SPOCK1: variants seen among roughly 807,000 people sequenced by gnomAD.
SPOCK1 encodes SPARC (osteonectin), cwcv and kazal like domains proteoglycan 1.
Under a neutral mutation model 55.3 loss-of-function variants are expected in SPOCK1, and 23 were observed. The observed-to-expected ratio is 0.42, with a 90% CI of 0.30 to 0.59. The LOEUF is 0.59. Ranked by LOEUF, SPOCK1 falls within the 20% of genes least tolerant of loss-of-function variation. The pLI, the probability that SPOCK1 is intolerant of heterozygous loss-of-function variation, is 0.22. For synonymous variants in SPOCK1, 226 were observed against 221.0 expected, an observed-to-expected ratio of 1.02 and a Z score of -0.20; for missense variants, 499 against 552.5, an observed-to-expected ratio of 0.90 and a Z score of 0.97.
chr5:137,152,561 A>G (rs1580778551), intron 3 of SPOCK1, among the ~76,000 whole-genome samples: 1 of 152,232 alleles, frequency 6.6e-6, no homozygotes, highest in East Asian at 1.9e-4. Context: ...CTAACAGGTA[A>G]GACACAGCAG....
chr5:137,289,041 G>A (rs539955625), intron 2 of SPOCK1, among the ~76,000 whole-genome samples: 1 of 152,330 alleles, frequency 6.6e-6, no homozygotes, highest in South Asian at 2.1e-4. Flanking sequence ...CCCAGCTTGA[G>A]TCTTGGCTTC....
At chr5:137,301,005 G>A (rs1757579106) in intron 2 of SPOCK1, among the ~76,000 whole-genome samples, 1 of 152,210 alleles carries the variant, frequency 6.6e-6, no homozygotes, top group South Asian at 2.1e-4. Flanking sequence ...CTAAGACCAT[G>A]TGGTCTTAAT....
At chr5:137,439,764 A>G (rs1287981159) in intron 2 of SPOCK1, among the ~76,000 whole-genome samples, 1 of 152,216 alleles carries the variant, frequency 6.6e-6, no homozygotes, top group East Asian at 1.9e-4. Context: ...CCCAGTAAAA[A>G]TGGCAGCTGG....
chr5:137,397,302 C>T (rs1580903222), intron 2 of SPOCK1, among the ~76,000 whole-genome samples: 1 of 152,196 alleles, frequency 6.6e-6, no homozygotes, highest in Admixed American at 6.5e-5. Flanking sequence ...TGTTTGAGGA[C>T]TGGGTATGTG....
chr5:137,179,872 G>A (rs1014995672), intron 3 of SPOCK1, among the ~76,000 whole-genome samples: 2 of 152,152 alleles, frequency 1.3e-5, no homozygotes, highest in African/African-American at 4.8e-5. Context: ...ACCCCCTTGT[G>A]TCATGTGCTC....
chr5:137,326,636 A>G (rs1362776560), intron 2 of SPOCK1, among the ~76,000 whole-genome samples: 2 of 152,246 alleles, frequency 1.3e-5, no homozygotes, highest in Non-Finnish European at 2.9e-5. Context: ...ATGAATAATT[A>G]AGGCCCTATT....
At chr5:137,042,233 A>G (rs1561588703) in intron 6 of SPOCK1, among the ~76,000 whole-genome samples, 1 of 152,220 alleles carries the variant, frequency 6.6e-6, no homozygotes, top group African/African-American at 2.4e-5. Flanking sequence ...TTCCATTTAT[A>G]TGACATTCTG....
intron 2 of SPOCK1, among the ~76,000 whole-genome samples, chr5:137,269,025 GGATGGAATTTGAAGCATTC>G: frequency 5.3e-5 from 1 of 18,762 alleles, no homozygotes; most frequent in Non-Finnish European, 1.1e-4. Flanking sequence ...TTTATAACTT[GGATGGAATTTGAAGCATTC>G]TTCTGGACCT....
rs1167984411 is a variant in SPOCK1 at position 137,039,296 on chromosome 5, TTTG to T, written c.589+28416_589+28418del. On this transcript the variant is annotated intron_variant, in intron 6 of 10. Coordinates refer to ENST00000394945, the MANE Select transcript of SPOCK1 (RefSeq NM_004598.4). ...TTTTTTTTTTTTTTTTTTTTTTTTT[TTTG>T]TTGTTGCAACGGGGACATTCTGCCT... 1.2e-4 allele frequency among the ~76,000 whole-genome samples: 17 copies of T among 144,410 alleles called. 1 individual carries two copies. Among genetic ancestry groups the T allele is most frequent in the African/African-American group, 3.9e-4 (15 of 38,676 alleles). The allele number at this position is 144,410 out of a possible 152,430, so 94.7% of individuals were successfully genotyped here. A position where few individuals can be genotyped will look rare whatever the true frequency, so the allele number is the denominator to read the frequency against.
At chr5:137,448,202 C>T (rs920708884) in intron 2 of SPOCK1, among the ~76,000 whole-genome samples, 3 of 152,138 alleles carry the variant, frequency 2.0e-5, no homozygotes, top group Admixed American at 1.3e-4. Flanking sequence ...GAGCCAAGAT[C>T]GTGCCATTGC....
chr5:137,411,624 A>G (rs1364856037), intron 2 of SPOCK1, among the ~76,000 whole-genome samples: 2 of 152,198 alleles, frequency 1.3e-5, no homozygotes, highest in African/African-American at 4.8e-5. Flanking sequence ...CCACTCTGCC[A>G]CTTCCCAGCT....
intron 2 of SPOCK1, among the ~76,000 whole-genome samples, chr5:137,301,631 GTCT>G (rs1757590842): frequency 3.3e-5 from 3 of 90,576 alleles, no homozygotes; most frequent in Admixed American, 1.5e-4. Context: ...TAAGCATTTC[GTCT>G]CCTTTTTTTT....
intron 3 of SPOCK1, among the ~76,000 whole-genome samples, chr5:137,176,094 A>T (rs1465088254): frequency 2.0e-5 from 3 of 152,130 alleles, no homozygotes; most frequent in African/African-American, 7.2e-5. Context: ...TTATCTTCCT[A>T]ATGACTGAAT....
At chr5:137,023,338 G>A (rs1561582679) in intron 6 of SPOCK1, among the ~76,000 whole-genome samples, 2 of 152,170 alleles carry the variant, frequency 1.3e-5, no homozygotes. Context: ...AATAGAAACA[G>A]AAGGGCTGGC....
intron 6 of SPOCK1, among the ~76,000 whole-genome samples, chr5:137,028,027 C>A (rs1045545470): frequency 1.3e-5 from 2 of 152,200 alleles, no homozygotes; most frequent in African/African-American, 4.8e-5. Flanking sequence ...CCCATCCCCC[C>A]TCCAAACTGG....
chr5:137,160,533 AATATATAAT>A (rs1230387141), intron 3 of SPOCK1, among the ~76,000 whole-genome samples: 5 of 56,900 alleles, frequency 8.8e-5, no homozygotes, highest in East Asian at 1.1e-3. Flanking sequence ...AATATATAAA[AATATATAAT>A]ATATATAATA....
intron 3 of SPOCK1, among the ~76,000 whole-genome samples, chr5:137,222,118 TCACATA>T (rs1159887460): frequency 1.3e-5 from 2 of 152,200 alleles, no homozygotes; most frequent in Non-Finnish European, 2.9e-5. Context: ...TTTTATCATG[TCACATA>T]CATACGCCAT....
At chr5:137,099,172 G>A (rs1199691450) in intron 5 of SPOCK1, among the ~76,000 whole-genome samples, 1 of 152,204 alleles carries the variant, frequency 6.6e-6, no homozygotes, top group African/African-American at 2.4e-5. Flanking sequence ...CAGCCTAGAT[G>A]AGAGAGCAAA....
chr5:137,464,426 TACTA>T (rs1753557533), intron 2 of SPOCK1, among the ~76,000 whole-genome samples: 2 of 152,096 alleles, frequency 1.3e-5, no homozygotes, highest in Admixed American at 6.5e-5. Flanking sequence ...CATATACACC[TACTA>T]TATACCCAAA....
Sources: allele counts gnomAD v4.1 joint callset (sites outside exome capture counted in the v4.1 genomes callset), GRCh38; gene constraint gnomAD v4.1.1; transcripts MANE v1.5; gene names NCBI Gene and HGNC (gene_info 2026-07-23, HGNC 2026-07-21).